PTPRD: variants seen among roughly 807,000 people sequenced by gnomAD.
PTPRD encodes the protein receptor-type tyrosine-protein phosphatase delta.
In PTPRD, 34 loss-of-function variants were observed where a neutral mutation model predicts 214.5. The ratio of observed to expected loss-of-function variants is 0.16; its 90% confidence interval spans 0.12 to 0.21. The LOEUF (loss-of-function observed/expected upper bound fraction) is 0.21. PTPRD is among the 10% of genes least tolerant of loss of function. The pLI is 1.00. For synonymous variants in PTPRD, 1,128 were observed against 845.7 expected, an observed-to-expected ratio of 1.33 and a Z score of -5.79; for missense variants, 2,545 against 2,398.7, an observed-to-expected ratio of 1.06 and a Z score of -1.27.
At chr9:9,634,911 G>T (rs2095708886) in intron 7 of PTPRD, among the ~76,000 whole-genome samples, 1 of 152,172 alleles carries the variant, frequency 6.6e-6, no homozygotes, top group African/African-American at 2.4e-5. Flanking sequence ...AGAATAACCA[G>T]CCAGAGAGGT....
Position 8,341,192 on chromosome 9 carries a change from A to T in PTPRD, c.5024T>A (p.Leu1675His), listed in dbSNP as rs781011162. The change falls in exon 41 of 46, where the codon CTT becomes CAT. Residue 1675 changes from leucine (L) to histidine (H), a missense_variant. Leu to His is a moderately conservative substitution (Grantham distance 99, BLOSUM62 -3). Transcript: ENST00000381196. Reference protein sequence around the residue: ...NLPCNKFKNRLVNIMPYESTR... With the variant: ...NLPCNKFKNRHVNIMPYESTR... Reference sequence around the variant, plus strand: ...GGATTCATATGGCATAATATTAACAAGGCGATTTTTGAATTTATTACATGG... The same window carrying T: ...GGATTCATATGGCATAATATTAACATGGCGATTTTTGAATTTATTACATGG... 1.2e-6 allele frequency: 2 copies of T among 1,613,044 alleles called. No individual in the cohort carries two copies. Among genetic ancestry groups the T allele is most frequent in the African/African-American group, 2.7e-5 (2 of 74,782 alleles).
chr9:8,968,304 G>A (rs2099212752), intron 11 of PTPRD, among the ~76,000 whole-genome samples: 1 of 152,086 alleles, frequency 6.6e-6, no homozygotes, highest in Admixed American at 6.6e-5. Context: ...GGTATTTCTA[G>A]TTCTAGGTCC....
intron 5 of PTPRD, among the ~76,000 whole-genome samples, chr9:9,856,591 G>A (rs76564728): frequency 0.012 from 1,843 of 150,396 alleles, 30 homozygotes; most frequent in African/African-American, 0.042. Flanking sequence ...ACAATTCCCA[G>A]CAATCAGAGA....
chr9:10,200,628 C>G (rs551374260), intron 3 of PTPRD, among the ~76,000 whole-genome samples: 2 of 151,928 alleles, frequency 1.3e-5, no homozygotes, highest in Admixed American at 1.3e-4. Context: ...CTCAAGGAGG[C>G]AAATAAACAG....
chr9:8,435,490 C>A (rs1305798556), intron 35 of PTPRD, among the ~76,000 whole-genome samples: 4 of 152,098 alleles, frequency 2.6e-5, no homozygotes, highest in Admixed American at 6.5e-5. Flanking sequence ...TTGGGCTGCC[C>A]AGGTACCCAA....
At chr9:9,629,807 C>G (rs182790435) in intron 7 of PTPRD, among the ~76,000 whole-genome samples, 17 of 152,294 alleles carry the variant, frequency 1.1e-4, no homozygotes, top group Admixed American at 9.8e-4. Flanking sequence ...TTACCCAAAA[C>G]TACACTGACA....
chr9:9,631,130 A>G (rs2095576344), intron 7 of PTPRD, among the ~76,000 whole-genome samples: 1 of 151,472 alleles, frequency 6.6e-6, no homozygotes, highest in Non-Finnish European at 1.5e-5. Context: ...CAGTTCTGCT[A>G]CTCCTTAGCT....
chr9:8,315,369 A>G lies in PTPRD; in HGVS notation c.*2505T>C, dbSNP rs557800319. 8.6e-6 allele frequency: 2 copies of G among 232,580 alleles called. No individual in the cohort carries two copies. The highest frequency in any genetic ancestry group is 1.8e-4 in the South Asian group (1 of 5,520). 14.4% of individuals were successfully genotyped at this position (232,580 alleles called of 1,614,324 possible). A position where few individuals can be genotyped will look rare whatever the true frequency, so the allele number is the denominator to read the frequency against. On this transcript the variant is annotated 3_prime_UTR_variant, in exon 46 of 46. Coordinates refer to ENST00000381196, the MANE Select transcript of PTPRD (RefSeq NM_002839.4). ...AGGGAGAGAAGCTGCTCATTGGCCAATCATTCTGGTGTGCAGTGCTCCATC... is the reference window on the plus strand; with the variant it reads ...AGGGAGAGAAGCTGCTCATTGGCCAGTCATTCTGGTGTGCAGTGCTCCATC...
At chr9:9,169,864 G>C (rs1460235210) in intron 10 of PTPRD, among the ~76,000 whole-genome samples, 1 of 152,134 alleles carries the variant, frequency 6.6e-6, no homozygotes, top group African/African-American at 2.4e-5. Context: ...TTCCTGGTTA[G>C]CCTAATGATG....
At chr9:8,457,231 C>T (rs1346928409) in intron 33 of PTPRD, among the ~76,000 whole-genome samples, 1 of 152,126 alleles carries the variant, frequency 6.6e-6, no homozygotes, top group Non-Finnish European at 1.5e-5. Context: ...CAGCTAGTCA[C>T]AGAACTGGGA....
rs370388913 is a variant in PTPRD at position 10,151,979 on chromosome 9, G to C, written c.-544-118189C>G. On this transcript the variant is annotated intron_variant, in intron 3 of 45. Transcript: ENST00000381196. ...TTAGGCTGTTTTCAATTTGGGGCAA[G>C]TATGATTGAAGCTGCTATAAACACC... 7.2e-5 allele frequency among the ~76,000 whole-genome samples: 11 copies of C among 152,324 alleles called. 1 individual carries two copies. The highest frequency in any genetic ancestry group is 2.4e-4 in the African/African-American group (10 of 41,582).
intron 11 of PTPRD, among the ~76,000 whole-genome samples, chr9:8,808,462 CTT>C (rs34627797): frequency 0.13 from 13,161 of 99,078 alleles, 589 homozygotes; most frequent in African/African-American, 0.18. Flanking sequence ...AGCCCCCCAC[CTT>C]TTTTTTTTTT....
chr9:10,379,369 C>A (rs184559348), intron 2 of PTPRD, among the ~76,000 whole-genome samples: 1 of 151,498 alleles, frequency 6.6e-6, no homozygotes, highest in East Asian at 2.0e-4. Flanking sequence ...TTTTTCTTGT[C>A]TGATTGCTCT....
intron 14 of PTPRD, among the ~76,000 whole-genome samples, chr9:8,614,469 C>G (rs1243986713): frequency 2.0e-5 from 3 of 152,112 alleles, no homozygotes; most frequent in African/African-American, 2.4e-5. Context: ...CAGATTAATG[C>G]TGAATGTTGT....
intron 2 of PTPRD, among the ~76,000 whole-genome samples, chr9:10,519,988 G>T (rs970002268): frequency 6.6e-6 from 1 of 151,856 alleles, no homozygotes; most frequent in African/African-American, 2.4e-5. Context: ...CCCAAAACTA[G>T]AGAAATACAA....
At chr9:8,476,775 G>A (rs1194085065) in intron 30 of PTPRD, among the ~76,000 whole-genome samples, 1 of 152,142 alleles carries the variant, frequency 6.6e-6, no homozygotes, top group African/African-American at 2.4e-5. Flanking sequence ...TGTAAAGAAA[G>A]TGGGTACAAG....
At chr9:10,523,242 T>C (rs937946511) in intron 2 of PTPRD, among the ~76,000 whole-genome samples, 3 of 151,994 alleles carry the variant, frequency 2.0e-5, no homozygotes, top group Admixed American at 2.0e-4. Context: ...CAAAATCCTA[T>C]ATGAAATCAC....
At chr9:9,328,987 G>A (rs771962011) in intron 9 of PTPRD, among the ~76,000 whole-genome samples, 11 of 151,828 alleles carry the variant, frequency 7.2e-5, no homozygotes, top group East Asian at 1.9e-4. Flanking sequence ...TGAAGATTGC[G>A]TAAAAATTGA....
intron 33 of PTPRD, among the ~76,000 whole-genome samples, chr9:8,458,998 C>G (rs537740611): frequency 6.6e-6 from 1 of 152,012 alleles, no homozygotes; most frequent in Admixed American, 6.6e-5. Context: ...TTTTCTCAAC[C>G]CTCTCTTAAT....
Sources: gnomAD v4.1 joint callset for allele counts (sites outside exome capture counted in the v4.1 genomes callset) on GRCh38, gnomAD v4.1.1 for gene constraint, MANE v1.5 for transcripts, NCBI Gene and HGNC (gene_info 2026-07-23, HGNC 2026-07-21) for gene names.